Variants in CSMD3 observed in about 807,000 individuals in gnomAD.
CSMD3 encodes CUB and sushi domain-containing protein 3.
Under a neutral mutation model 435.2 loss-of-function variants are expected in CSMD3, and 177 were observed. The observed-to-expected ratio is 0.41, with a 90% CI of 0.36 to 0.46. CSMD3 has a LOEUF of 0.46. Among genes scored for constraint, CSMD3 ranks in the 20% least tolerant of loss-of-function variants. The pLI, the probability that CSMD3 is intolerant of heterozygous loss-of-function variation, is 0.34. For synonymous variants in CSMD3, 1,656 were observed against 1,520.5 expected, an observed-to-expected ratio of 1.09 and a Z score of -2.07; for missense variants, 4,265 against 4,504.6, an observed-to-expected ratio of 0.95 and a Z score of 1.52.
rs1447956924 is a variant in CSMD3 at position 112,696,483 on chromosome 8, C to T, written c.1973-6433G>A. Among the ~76,000 whole-genome samples the T allele has an allele frequency of 3.3e-5, 5 of 152,058 alleles. No individual in the cohort carries two copies. In the East Asian group the frequency reaches 5.8e-4, roughly 18 times the overall value. ...AAAACAAGCAATGGGGAAAGGATTC[C>T]CTATTTAATAAATGGTGCTGGGAAA... On this transcript the variant is annotated intron_variant, in intron 13 of 70. Coordinates refer to ENST00000297405, the MANE Select transcript of CSMD3 (RefSeq NM_198123.2).
intron 27 of CSMD3, among the ~76,000 whole-genome samples, chr8:112,537,802 A>G (rs1435647428): frequency 3.3e-5 from 5 of 152,032 alleles, no homozygotes; most frequent in Non-Finnish European, 7.4e-5. Flanking sequence ...CCAAACATTT[A>G]GAGAAGACCT....
chr8:113,231,630 A>AG (rs1312194797), intron 3 of CSMD3, among the ~76,000 whole-genome samples: 2 of 151,538 alleles, frequency 1.3e-5, no homozygotes, highest in Non-Finnish European at 3.0e-5. Context: ...ATTTACTGAT[A>AG]ATCTAAGTCC....
At chr8:112,230,310 T>C (rs1586461164) in intron 69 of CSMD3, among the ~76,000 whole-genome samples, 1 of 152,174 alleles carries the variant, frequency 6.6e-6, no homozygotes, top group East Asian at 1.9e-4. Context: ...CAAACACAGG[T>C]AGGATGTGAT....
At chr8:112,545,482 C>CAAAAAAAAAAAAAAAAA (rs71566032) in intron 27 of CSMD3, among the ~76,000 whole-genome samples, 6 of 26,882 alleles carry the variant, frequency 2.2e-4, no homozygotes, top group Admixed American at 5.3e-4. Context: ...GACTCCATCT[C>CAAAAAAAAAAAAAAAAA]AAAAAAAAAA....
At chr8:112,371,498 C>A (rs947562347) in intron 38 of CSMD3, among the ~76,000 whole-genome samples, 8 of 152,048 alleles carry the variant, frequency 5.3e-5, no homozygotes, top group African/African-American at 1.9e-4. Flanking sequence ...CTAAATGTCT[C>A]CCCCATCTCC....
chr8:113,299,566 G>A (rs2093748232), intron 2 of CSMD3, among the ~76,000 whole-genome samples: 1 of 152,028 alleles, frequency 6.6e-6, no homozygotes, highest in African/African-American at 2.4e-5. Flanking sequence ...GAATGTTAGT[G>A]GATGTGGTAA....
chr8:112,231,855 T>C (rs756896706), intron 68 of CSMD3, among the ~76,000 whole-genome samples: 3 of 152,098 alleles, frequency 2.0e-5, no homozygotes, highest in Non-Finnish European at 4.4e-5. Flanking sequence ...AAAACAGAGA[T>C]TGGTTATTAA....
chr8:112,877,580 T>G (rs1463121245), intron 10 of CSMD3, among the ~76,000 whole-genome samples: 1 of 152,088 alleles, frequency 6.6e-6, no homozygotes, highest in African/African-American at 2.4e-5. Flanking sequence ...AAATTTCATA[T>G]GGAACCAAAA....
chr8:112,960,396 C>T (rs2130860218), intron 7 of CSMD3, among the ~76,000 whole-genome samples: 1 of 151,664 alleles, frequency 6.6e-6, no homozygotes, highest in Non-Finnish European at 1.5e-5. Context: ...ATTAATAATA[C>T]AATCTTCTGA....
chr8:113,300,016 T>C (rs2093752819), intron 2 of CSMD3, among the ~76,000 whole-genome samples: 1 of 149,224 alleles, frequency 6.7e-6, no homozygotes, highest in African/African-American at 2.5e-5. Context: ...TAGCAAAGCA[T>C]GGTGGTGCAT....
chr8:112,348,617 T>C (rs61187653), intron 40 of CSMD3, among the ~76,000 whole-genome samples: 65,222 of 151,732 alleles, frequency 0.43, 14,653 homozygotes, highest in Middle Eastern at 0.54. Context: ...TTAAAATGGG[T>C]CAGGTGCGGT....
chr8:112,744,184 CTG>C (rs1563917966), intron 13 of CSMD3, among the ~76,000 whole-genome samples: 1 of 152,068 alleles, frequency 6.6e-6, no homozygotes, highest in Non-Finnish European at 1.5e-5. Flanking sequence ...AGCTCTGTCT[CTG>C]TTATATTGAA....
chr8:112,972,418 G>A (rs111333498), intron 7 of CSMD3, among the ~76,000 whole-genome samples: 7,143 of 151,644 alleles, frequency 0.047, 228 homozygotes, highest in Non-Finnish European at 0.069. Context: ...TTTATAGTTT[G>A]CTAATGGTTA....
chr8:112,552,708 C>G lies in CSMD3; in HGVS notation c.4247G>C (p.Gly1416Ala), dbSNP rs1216141958. 4 of 1,611,494 alleles carry G rather than the reference C, an allele frequency of 2.5e-6. No homozygotes were observed. The African/African-American group carries it at 5.3e-5, about 22-fold the overall frequency. ...PLPSCIAECG[G>A]RFKGESSGRI... Reference sequence around the variant, plus strand: ...TCCTGATGATTCTCCTTTAAAACGACCTCCACATTCAGCTGATAAAAAATA... The same window carrying G: ...TCCTGATGATTCTCCTTTAAAACGAGCTCCACATTCAGCTGATAAAAAATA... The change falls in exon 26 of 71, where the codon GGT becomes GCT. Residue 1416 changes from glycine to alanine, a missense_variant. Coordinates refer to ENST00000297405, the MANE Select transcript of CSMD3 (RefSeq NM_198123.2).
intron 10 of CSMD3, among the ~76,000 whole-genome samples, chr8:112,912,747 C>T (rs1051127594): frequency 6.6e-6 from 1 of 151,764 alleles, no homozygotes; most frequent in Non-Finnish European, 1.5e-5. Context: ...TTCTGCACGG[C>T]AAAGGAAGCA....
intron 9 of CSMD3, among the ~76,000 whole-genome samples, chr8:112,937,057 C>A (rs575593337): frequency 1.6e-4 from 25 of 152,114 alleles, no homozygotes; most frequent in African/African-American, 6.0e-4. Flanking sequence ...ATAAGGTGTG[C>A]ACAGGGTATT....
chr8:112,713,808 C>T (rs1563884616), intron 13 of CSMD3, among the ~76,000 whole-genome samples: 1 of 152,100 alleles, frequency 6.6e-6, no homozygotes, highest in African/African-American at 2.4e-5. Context: ...CCCAGAATTT[C>T]ATATCCAGCC....
At chr8:113,276,028 C>T (rs68028912) in intron 3 of CSMD3, among the ~76,000 whole-genome samples, 20,369 of 151,978 alleles carry the variant, frequency 0.13, 1,632 homozygotes, top group Middle Eastern at 0.21. Flanking sequence ...GATTTCCGAG[C>T]TTCACAATAT....
At chr8:112,363,823 G>A (rs1258890222) in intron 38 of CSMD3, among the ~76,000 whole-genome samples, 1 of 151,974 alleles carries the variant, frequency 6.6e-6, no homozygotes, top group African/African-American at 2.4e-5. Flanking sequence ...TGCATGCAAT[G>A]TATTCTGAGT....
Sources: gnomAD v4.1 joint callset for allele counts (sites outside exome capture counted in the v4.1 genomes callset) on GRCh38, gnomAD v4.1.1 for gene constraint, MANE v1.5 for transcripts, NCBI Gene and HGNC (gene_info 2026-07-23, HGNC 2026-07-21) for gene names.